SMOX: variants seen among roughly 807,000 people sequenced by gnomAD.
SMOX encodes spermine oxidase, also known as flavin containing amine oxidase.
A neutral mutation model predicts 51.0 loss-of-function variants in SMOX; 22 were observed. The ratio of observed to expected loss-of-function variants is 0.43; its 90% CI spans 0.31 to 0.62. The LOEUF (loss-of-function observed/expected upper bound fraction) is 0.62, where lower values mean the gene tolerates loss of function less well. SMOX is among the 20% of genes least tolerant of loss of function. The pLI is 0.10. For missense variants in SMOX, 566 were observed against 777.7 expected (o/e 0.73, Z 3.24); for synonymous variants, 282 against 307.8 (o/e 0.92, Z 0.88).
In SMOX at chr20:4,172,504, C is replaced by G. The variant is rs1978477392; in HGVS notation, c.-26-2526C>G. Among the ~76,000 whole-genome samples, 3 of 152,098 alleles carry G rather than the reference C, an allele frequency of 2.0e-5. No individual in the cohort carries two copies. The South Asian group carries it at 6.2e-4, about 32-fold the overall frequency. On this transcript the variant is annotated intron_variant, in intron 1 of 6. Transcript: ENST00000305958. This position sits in a 1 kb window ranked among gnomAD's most constrained non-coding sequence, Gnocchi z 7.7. ...GATCCGTGTCCTCTCGGGAGGGAGG[C>G]AGGACCTAGCATCTCTGGGGCGAGG...
chr20:4,168,108 A>C, intron 1 of SMOX, among the ~76,000 whole-genome samples: 1 of 111,404 alleles, frequency 9.0e-6, no homozygotes, highest in East Asian at 3.0e-4. Flanking sequence ...AAACCTGAGA[A>C]AGAGCGGGGT....
At chr20:4,150,866 T>C (rs1985716077) in intron 1 of SMOX, among the ~76,000 whole-genome samples, 3 of 144,390 alleles carry the variant, frequency 2.1e-5, no homozygotes, top group Admixed American at 1.5e-4. Flanking sequence ...AGTTTCGCTC[T>C]TTTCGCCCAG....
intron 1 of SMOX, chr20:4,171,741 T>C (rs1314875013): frequency 6.6e-6 from 1 of 152,298 alleles, no homozygotes; most frequent in East Asian, 1.9e-4. Context: ...GCAGAGTGGC[T>C]GCCTGCATTC....
rs977719088 is a variant in SMOX at position 4,153,688 on chromosome 20, C to G, written c.-27+4711C>G. ...GAGAGGGAGGCAGGGTTAGTGGAAA[C>G]TGAGGCACAGGGAAAACATTGCTGT... On this transcript the variant is annotated intron_variant, in intron 1 of 6. Transcript: ENST00000305958. The surrounding 1 kb of genome is among the most constrained non-coding windows in gnomAD (Gnocchi z 4.4). 3.3e-5 allele frequency among the ~76,000 whole-genome samples: 5 copies of G among 152,212 alleles called. No individual in the cohort carries two copies. The highest frequency in any genetic ancestry group is 3.3e-4 in the Admixed American group (5 of 15,284).
At chr20:4,152,149 C>CTG (rs755562296) in intron 1 of SMOX, among the ~76,000 whole-genome samples, 2 of 152,170 alleles carry the variant, frequency 1.3e-5, no homozygotes, top group South Asian at 2.1e-4. Context: ...GGATGTGAGT[C>CTG]TGTGTGTGTG....
intron 1 of SMOX, among the ~76,000 whole-genome samples, chr20:4,165,049 GTTTTT>G (rs781522050): frequency 1.1e-5 from 1 of 87,330 alleles, no homozygotes. Flanking sequence ...TAGCTAAGTT[GTTTTT>G]TTTTTTTTTT....
At chr20:4,169,804 G>A (rs1262040986) in intron 1 of SMOX, among the ~76,000 whole-genome samples, 1 of 152,154 alleles carries the variant, frequency 6.6e-6, no homozygotes, top group Non-Finnish European at 1.5e-5. Context: ...ACACAAGGCC[G>A]TGCATACTAA....
chr20:4,152,691 C>T (rs1985821341), intron 1 of SMOX, among the ~76,000 whole-genome samples: 1 of 152,110 alleles, frequency 6.6e-6, no homozygotes, highest in South Asian at 2.1e-4. Flanking sequence ...GGGCAGGGCC[C>T]TGGTATATTC....
chr20:4,162,422 T>G (rs1240746704), intron 1 of SMOX, among the ~76,000 whole-genome samples: 1 of 152,216 alleles, frequency 6.6e-6, no homozygotes, highest in Admixed American at 6.5e-5. Flanking sequence ...CTGTTAGCAG[T>G]GCCTCTGAGC....
intron 6 of SMOX, among the ~76,000 whole-genome samples, chr20:4,185,194 A>G (rs1468039422): frequency 6.6e-6 from 1 of 152,220 alleles, no homozygotes; most frequent in African/African-American, 2.4e-5. Context: ...TTGAGGAGAA[A>G]GAGGAGAATG....
At chr20:4,173,713 T>C (rs1568740539) in intron 1 of SMOX, among the ~76,000 whole-genome samples, 1 of 152,224 alleles carries the variant, frequency 6.6e-6, no homozygotes, top group African/African-American at 2.4e-5. Context: ...TGTTAGATCC[T>C]GGATACTGTT....
rs1979371612 is a variant in SMOX, at chr20:4,182,119, A to G, written c.640A>G (p.Met214Val). 1.2e-6 allele frequency: 2 copies of G among 1,602,876 alleles called. No individual in the cohort carries two copies. Among genetic ancestry groups the G allele is most frequent in the Non-Finnish European group, 8.5e-7 (1 of 1,173,404 alleles). Residue 214 changes from methionine to valine, a missense_variant, in exon 5 of 7, where the codon ATG (methionine) becomes GTG (valine). This residue lies in a region of SMOX where 347 missense variants were observed against 481.8 expected (regional missense o/e 0.72). Transcript: ENST00000305958. The surrounding 1 kb of genome is among the most constrained non-coding windows in gnomAD (Gnocchi z 8.4). ...VESCESSSHS[M>V]DEVSLSAFGE... ...GAGCTGTGAGAGCAGCTCACACAGC[A>G]TGGACGAGGTGTCCCTGAGCGCCTT... is the stretch of plus-strand genomic sequence containing the variant.
rs527716588 is a variant in SMOX at position 4,181,277 on chromosome 20, G to A, written c.436-526G>A. On this transcript the variant is annotated intron_variant, in intron 3 of 6. Coordinates refer to ENST00000305958, the MANE Select transcript of SMOX (RefSeq NM_175839.3). The surrounding 1 kb of genome is among the most constrained non-coding windows in gnomAD (Gnocchi z 5.6). ...CTGAAGCAAAGGGGGTGCTTTGTAC[G>A]GAGCTGCACAGGCCCAGGGAGGTGT... Among the ~76,000 whole-genome samples the A allele has an allele frequency of 4.6e-5, 7 of 152,302 alleles. No homozygotes were observed. The South Asian group carries it at 1.5e-3, about 32-fold the overall frequency.
At chr20:4,150,916 C>T (rs1985719128) in intron 1 of SMOX, among the ~76,000 whole-genome samples, 1 of 150,760 alleles carries the variant, frequency 6.6e-6, no homozygotes, top group Non-Finnish European at 1.5e-5. Context: ...ACCGCAACCT[C>T]CACCTCCTGC....
At position 4,175,073 on chromosome 20, in the gene SMOX, C is replaced by T; in HGVS notation, c.18C>T (p.Ser6=). ...CGGACGGTATGCAAAGTTGTGAATC[C>T]AGTGGTGACAGTGCGGATGACCCTC... is the stretch of plus-strand genomic sequence containing the variant. MQSCE[S]SGDSADDPLS... The change falls in exon 2 of 7, where the codon TCC becomes TCT. Residue 6 remains serine (S), a synonymous_variant. Transcript: ENST00000305958. 1 of 1,614,218 alleles carries T rather than the reference C, an allele frequency of 6.2e-7. No individual in the cohort carries two copies. Among genetic ancestry groups the T allele is most frequent in the Non-Finnish European group, 8.5e-7 (1 of 1,180,042 alleles).
chr20:4,160,832 C>T (rs1211128126), intron 1 of SMOX, among the ~76,000 whole-genome samples: 1 of 152,210 alleles, frequency 6.6e-6, no homozygotes, highest in Non-Finnish European at 1.5e-5. Flanking sequence ...AGCTCTGACA[C>T]TGGGGCTGTC....
chr20:4,150,539 C>T (rs904879774), intron 1 of SMOX, among the ~76,000 whole-genome samples: 1 of 152,204 alleles, frequency 6.6e-6, no homozygotes, highest in African/African-American at 2.4e-5. Context: ...GGGCTTTGTC[C>T]GTAGCCGCTT....
At chr20:4,185,939 C>G (rs1402986600) in intron 6 of SMOX, among the ~76,000 whole-genome samples, 1 of 151,152 alleles carries the variant, frequency 6.6e-6, no homozygotes, top group Non-Finnish European at 1.5e-5. Flanking sequence ...TAAACACACA[C>G]ACACACAAAT....
intron 1 of SMOX, among the ~76,000 whole-genome samples, chr20:4,152,795 C>T (rs1376670220): frequency 6.6e-6 from 1 of 152,224 alleles, no homozygotes; most frequent in Non-Finnish European, 1.5e-5. Context: ...TCCCATTTTA[C>T]AGCTGGGAAG....
Sources: gnomAD v4.1 joint callset for allele counts (sites outside exome capture counted in the v4.1 genomes callset) on GRCh38, gnomAD v4.1.1 for gene constraint, gnomAD v4.1.1 regional missense constraint, Gnocchi (gnomAD v3.1) non-coding constraint, MANE v1.5 for transcripts, NCBI Gene and HGNC (gene_info 2026-07-23, HGNC 2026-07-21) for gene names.